LAMA5: variants seen among roughly 807,000 people sequenced by gnomAD.
The protein encoded by LAMA5 is laminin subunit alpha-5.
LAMA5 carries 260 observed loss-of-function variants against 433.4 expected under a neutral mutation model. That is an observed-to-expected ratio of 0.60 (90% CI 0.54 to 0.66). LAMA5 has a LOEUF of 0.66. Among genes scored for constraint, LAMA5 ranks in the 30% least tolerant of loss-of-function variants. LAMA5 has a pLI of 0.00. For synonymous variants in LAMA5, 2,620 were observed against 2,226.6 expected, an observed-to-expected ratio of 1.18 and a Z score of -4.97; for missense variants, 5,378 against 5,258.5, an observed-to-expected ratio of 1.02 and a Z score of -0.70.
At chr20:62,310,340 A>C in intron 76 of LAMA5, 29 bp from the exon 77 acceptor site, 2 of 1,578,828 alleles carry the variant, frequency 1.3e-6, no homozygotes, top group Non-Finnish European at 1.7e-6. Context: ...ATGGAGAAGA[A>C]AGGGGGGGCC....
intron 45 of LAMA5, among the ~76,000 whole-genome samples, 168 bp downstream of exon 45, chr20:62,323,288 C>CGCTGGGGCGGGAGGGCCTG (rs1978649540): frequency 6.6e-6 from 1 of 150,542 alleles, no homozygotes; most frequent in African/African-American, 2.5e-5. Flanking sequence ...AGGACCGGAT[C>CGCTGGGGCGGGAGGGCCTG]ATAGCGGGGG....
Position 62,352,336 on chromosome 20 carries a change from C to A in LAMA5, c.593G>T (p.Arg198Leu). The A allele has an allele frequency of 6.3e-7, 1 of 1,599,380 alleles. No individual in the cohort carries two copies. The highest frequency in any genetic ancestry group is 8.5e-7 in the Non-Finnish European group (1 of 1,179,642). Residue 198 changes from arginine (R) to leucine (L), a missense_variant, in exon 4 of 80, where the codon CGG (arginine) becomes CTG (leucine). Coordinates refer to ENST00000252999, the MANE Select transcript of LAMA5 (RefSeq NM_005560.6). ...FASSKRDCLE[R>L]FGPQTLERIT... ...GCGCTCCAGCGTCTGTGGCCCGAAC[C>A]GCTCCAGACAGTCCCTCTTGGAGGC...
At chr20:62,338,661 C>T (rs888645704) in intron 11 of LAMA5, 53 bp from the exon 12 acceptor site, 12 of 1,537,380 alleles carry the variant, frequency 7.8e-6, no homozygotes, top group Middle Eastern at 1.8e-4. Context: ...GACCCCAGTA[C>T]GCCCCTCCTG....
At chr20:62,340,305 GTTTTTTT>G (rs34415039) in intron 11 of LAMA5, among the ~76,000 whole-genome samples, 12 of 99,462 alleles carry the variant, frequency 1.2e-4, no homozygotes, top group African/African-American at 3.1e-4. Flanking sequence ...AGCCTCCTTT[GTTTTTTT>G]TTTTTTTTTT....
intron 67 of LAMA5, 44 bp from the exon 68 acceptor site, chr20:62,312,576 C>G: frequency 6.3e-7 from 1 of 1,598,938 alleles, no homozygotes; most frequent in Non-Finnish European, 8.5e-7. Flanking sequence ...ACCTCCAAGC[C>G]CAGCCTACCG....
chr20:62,313,283 G>A, intron 64 of LAMA5, 33 bp from the exon 65 acceptor site: 6 of 1,534,636 alleles, frequency 3.9e-6, no homozygotes, highest in Non-Finnish European at 3.5e-6. Flanking sequence ...TCAGCGGAGG[G>A]TGGGGTGGGG....
chr20:62,322,804 C>T (rs748603854), intron 45 of LAMA5, 46 bp from the exon 46 acceptor site: 16 of 1,276,398 alleles, frequency 1.3e-5, no homozygotes, highest in East Asian at 2.8e-5. Context: ...TCTCACCCCC[C>T]CAGGGAGCCC....
intron 10 of LAMA5, 65 bp downstream of exon 10, chr20:62,346,016 C>T (rs374084611): frequency 1.3e-5 from 21 of 1,603,230 alleles, no homozygotes; most frequent in Non-Finnish European, 1.7e-5. Flanking sequence ...CCCTCCACCC[C>T]CTGCAGGGCT....
chr20:62,323,691 G>T, intron 44 of LAMA5, 21 bp from the exon 45 acceptor site: 1 of 1,596,008 alleles, frequency 6.3e-7, no homozygotes, highest in Non-Finnish European at 8.6e-7. Context: ...GGTGGGGAGG[G>T]GCCGTCAGTG....
rs539739323 is a variant in LAMA5 at position 62,318,971 on chromosome 20, G to C, written c.6914C>G (p.Ser2305Trp). ...GAGCAGCTGCTCACCTGATGGAGCC[G>C]AGGCATTGGCCAGCCCCAGGTGGCC... ...QTGHLGLANA[S>W]APSGEQLLRT... is the part of the protein sequence containing the mutation. Residue 2305 changes from serine (S) to tryptophan (W), a missense_variant, in exon 52 of 80, where the codon TCG becomes TGG. Ser to Trp is a radical substitution (Grantham distance 177, BLOSUM62 -3). Coordinates refer to ENST00000252999, the MANE Select transcript of LAMA5 (RefSeq NM_005560.6). 652 of 1,594,402 alleles carry C rather than the reference G, an allele frequency of 4.1e-4. 8 individuals are homozygous for C. The South Asian group carries it at 6.6e-3, about 16-fold the overall frequency.
Position 62,334,023 on chromosome 20 carries a change from C to T in LAMA5, c.2756G>A (p.Arg919Lys), listed in dbSNP as rs1981057234. The change falls in exon 23 of 80, where the codon AGG becomes AAG. Residue 919 changes from arginine (R) to lysine (K), a missense_variant. Arg to Lys is a conservative substitution (Grantham distance 26, BLOSUM62 2). Transcript: ENST00000252999. ...MAPVQPRIVA[R>K]LNLTSPDLFW... ...AAGGTCAGGGGAGGTCAGGTTCAGC[C>T]TGGCCACGATCCTGGGCTGGGTGGG... 3.1e-6 allele frequency: 5 copies of T among 1,612,676 alleles called. No individual in the cohort carries two copies. Among genetic ancestry groups the T allele is most frequent in the Non-Finnish European group, 4.2e-6 (5 of 1,179,758 alleles).
Position 62,337,784 on chromosome 20 carries a change from C to T in LAMA5, c.2026+20G>A, listed in dbSNP as rs201392984. On this transcript the variant is annotated intron_variant, in intron 15 of 79. Coordinates refer to ENST00000252999, the MANE Select transcript of LAMA5 (RefSeq NM_005560.6). ...GGAGACTGCACCTGCCTCCCCACCA[C>T]TTCCTCCCTAGGCACTCACGGACAC... 6.2e-7 allele frequency: 1 copy of T among 1,610,384 alleles called. No homozygotes were observed. Among genetic ancestry groups the T allele is most frequent in the East Asian group, 2.2e-5 (1 of 44,820 alleles).
intron 1 of LAMA5, among the ~76,000 whole-genome samples, chr20:62,364,895 A>T (rs1986548928): frequency 6.6e-6 from 1 of 152,260 alleles, no homozygotes; most frequent in Non-Finnish European, 1.5e-5. Context: ...GAGCCCCCTC[A>T]GATGGAGCTG....
chr20:62,330,135 C>G (rs934688106), intron 31 of LAMA5, among the ~76,000 whole-genome samples: 1 of 152,252 alleles, frequency 6.6e-6, no homozygotes, highest in Admixed American at 6.5e-5. Flanking sequence ...CTCTAGGTAC[C>G]GGTCAACTCC....
intron 53 of LAMA5, 131 bp downstream of exon 53, chr20:62,318,323 G>A: frequency 2.2e-6 from 1 of 459,242 alleles, no homozygotes; most frequent in Non-Finnish European, 3.8e-6. Flanking sequence ...GAGGAGGGGG[G>A]GAGGACGAGG....
intron 26 of LAMA5, 146 bp downstream of exon 26, chr20:62,332,944 G>GGAGGCAGGAGGCAGGAGGCAA: frequency 9.2e-7 from 1 of 1,092,588 alleles, no homozygotes; most frequent in Non-Finnish European, 1.3e-6. Flanking sequence ...GCAGGAGGCA[G>GGAGGCAGGAGGCAGGAGGCAA]GAGGCAGGGG....
At chr20:62,339,231 C>CTTTTT (rs151158845) in intron 11 of LAMA5, among the ~76,000 whole-genome samples, 2 of 55,960 alleles carry the variant, frequency 3.6e-5, no homozygotes, top group African/African-American at 1.2e-4. Context: ...ATTATAGTTT[C>CTTTTT]TTTTTTTTTT....
chr20:62,344,207 G>A (rs6121990), intron 11 of LAMA5, among the ~76,000 whole-genome samples: 78,676 of 148,184 alleles, frequency 0.53, 25,426 homozygotes, highest in East Asian at 0.75. Context: ...CCCACTCACT[G>A]GGAAAGATGC....
intron 50 of LAMA5, 35 bp downstream of exon 50, chr20:62,320,524 C>A (rs1287363439): frequency 5.3e-6 from 8 of 1,509,304 alleles, no homozygotes; most frequent in Non-Finnish European, 7.2e-6. Flanking sequence ...CAGGTGAAAG[C>A]CTCCCGGGGC....
Sources: allele counts gnomAD v4.1 joint callset (sites outside exome capture counted in the v4.1 genomes callset), GRCh38; gene constraint gnomAD v4.1.1; transcripts MANE v1.5; gene names NCBI Gene and HGNC (gene_info 2026-07-23, HGNC 2026-07-21).